KY: variants seen among roughly 807,000 people sequenced by gnomAD.
The protein encoded by KY is kyphoscoliosis peptidase.
KY carries 43 observed loss-of-function variants against 76.1 expected under a neutral mutation model. The ratio of observed to expected loss-of-function variants is 0.57; its 90% CI spans 0.44 to 0.73. KY has a LOEUF of 0.73. KY is among the 30% of genes least tolerant of loss of function. The probability of loss-of-function intolerance (pLI) is 0.00; values close to 1 mark genes in which losing one functional copy is unlikely to be tolerated. For synonymous variants in KY, 277 were observed against 326.2 expected, an observed-to-expected ratio of 0.85 and a Z score of 1.63; for missense variants, 722 against 828.9, an observed-to-expected ratio of 0.87 and a Z score of 1.58.
rs950924534 is a variant in KY, at chr3:134,620,907, T to A, written c.484-50A>T. 6.1e-6 allele frequency: 7 copies of A among 1,147,216 alleles called. No individual in the cohort carries two copies. In the African/African-American group the frequency reaches 9.1e-5, roughly 15 times the overall value. 71.1% of individuals were successfully genotyped at this position (1,147,216 alleles called of 1,614,324 possible). On this transcript the variant is annotated intron_variant, in intron 6 of 10. Transcript: ENST00000423778. Reference sequence around the variant, plus strand: ...TATTAGGGCCTCGAGGAGGGGCTGTTGGGGGCCCAGCATCTTGCACCTACA... The same window carrying A: ...TATTAGGGCCTCGAGGAGGGGCTGTAGGGGGCCCAGCATCTTGCACCTACA...
At chr3:134,650,679 G>T in intron 1 of KY, 146 bp downstream of exon 1, 1 of 741,516 alleles carries the variant, frequency 1.3e-6, no homozygotes, top group Non-Finnish European at 2.1e-6. Context: ...GTGCCACTGC[G>T]GGGAAGCGAC....
At chr3:134,621,896 G>C (rs1480898876) in intron 6 of KY, among the ~76,000 whole-genome samples, 2 of 151,862 alleles carry the variant, frequency 1.3e-5, no homozygotes, top group South Asian at 4.2e-4. Context: ...TTCAAAAAGG[G>C]GCAAAGGACT....
At chr3:134,640,438 T>C (rs1013988307) in intron 3 of KY, among the ~76,000 whole-genome samples, 5 of 152,050 alleles carry the variant, frequency 3.3e-5, no homozygotes, top group African/African-American at 9.7e-5. Flanking sequence ...CAAAAGGTGG[T>C]TGTGGAGATT....
intron 10 of KY, among the ~76,000 whole-genome samples, chr3:134,606,208 C>G (rs1959195034): frequency 6.6e-6 from 1 of 152,164 alleles, no homozygotes; most frequent in Non-Finnish European, 1.5e-5. Flanking sequence ...CCCAGATCCC[C>G]CTGAGATTCA....
chr3:134,634,853 C>T (rs1443630068), intron 3 of KY, among the ~76,000 whole-genome samples: 1 of 152,134 alleles, frequency 6.6e-6, no homozygotes, highest in African/African-American at 2.4e-5. Flanking sequence ...GAACCAATCC[C>T]CCATGTATAC....
At chr3:134,607,488 A>C in intron 10 of KY, 2 of 985,650 alleles carry the variant, frequency 2.0e-6, no homozygotes, top group South Asian at 9.4e-5. Flanking sequence ...TGGAGGCCCC[A>C]GTGGCAGAGA....
At chr3:134,629,841 A>G (rs1431223386) in intron 3 of KY, 146 bp from the exon 4 acceptor site, 4 of 620,028 alleles carry the variant, frequency 6.5e-6, no homozygotes. Flanking sequence ...TCTTTAAATC[A>G]AAACAACAAC....
intron 2 of KY, among the ~76,000 whole-genome samples, chr3:134,644,088 G>T (rs1219531813): frequency 6.6e-6 from 1 of 152,266 alleles, no homozygotes. Flanking sequence ...GCCTCCCAAA[G>T]TGCTGGGATT....
At chr3:134,621,515 T>C (rs903322412) in intron 6 of KY, among the ~76,000 whole-genome samples, 2 of 152,164 alleles carry the variant, frequency 1.3e-5, no homozygotes, top group African/African-American at 4.8e-5. Flanking sequence ...AGTTTCCACA[T>C]GCAAAAGAAT....
At chr3:134,608,124 T>C (rs565190987) in intron 10 of KY, 2 of 1,132,278 alleles carry the variant, frequency 1.8e-6, no homozygotes, top group Non-Finnish European at 2.2e-6. Context: ...CCTTGCTGGT[T>C]GGACCACCAA....
intron 1 of KY, 33 bp downstream of exon 1, chr3:134,650,792 G>A (rs776544386): frequency 7.2e-5 from 111 of 1,533,732 alleles, no homozygotes; most frequent in Non-Finnish European, 9.4e-5. Flanking sequence ...AAGGTGCCGG[G>A]GGACCCGGGG....
chr3:134,628,315 C>G (rs1410634849), intron 4 of KY, among the ~76,000 whole-genome samples: 1 of 152,130 alleles, frequency 6.6e-6, no homozygotes, highest in Non-Finnish European at 1.5e-5. Flanking sequence ...CAACTGAATC[C>G]CATAAATCTA....
chr3:134,600,524 G>A lies in KY; in HGVS notation c.*3055C>T, dbSNP rs756436160. The stretch of plus-strand genomic sequence containing the variant: ...CAGATTGAAAATGGAGTCCAGCTGA[G>A]CTATGGCACTTCTGAAACAAGCTGG... On this transcript the variant is annotated 3_prime_UTR_variant, in exon 11 of 11. Transcript: ENST00000423778. Among the ~76,000 whole-genome samples the A allele has an allele frequency of 2.0e-5, 3 of 152,208 alleles. No homozygotes were observed. Among genetic ancestry groups the A allele is most frequent in the Non-Finnish European group, 4.4e-5 (3 of 68,028 alleles).
rs1006180339 is a variant in KY at position 134,638,294 on chromosome 3, C to T, written c.262+5022G>A. On this transcript the variant is annotated intron_variant, in intron 3 of 10. Coordinates refer to ENST00000423778, the MANE Select transcript of KY (RefSeq NM_178554.6). Reference sequence around the variant, plus strand: ...TGACGCTACTGGATCAAATAAAACTCTTAATTTAAGAAAAAATATTAGTGT... The same window carrying T: ...TGACGCTACTGGATCAAATAAAACTTTTAATTTAAGAAAAAATATTAGTGT... Among the ~76,000 whole-genome samples, 3 of 152,224 alleles carry T rather than the reference C, an allele frequency of 2.0e-5. No homozygotes were observed. The East Asian group carries it at 5.8e-4, about 29-fold the overall frequency.
rs948296045 is a variant in KY at position 134,608,110 on chromosome 3, C to T, written c.1090+539G>A. The stretch of plus-strand genomic sequence containing the variant: ...TGTCCTGGGAGACCCATGTTGCTCC[C>T]CATCCTTGCTGGTTGGACCACCAAC... On this transcript the variant is annotated intron_variant, in intron 10 of 10. Transcript: ENST00000423778. 17 of 1,128,618 alleles carry T rather than the reference C, an allele frequency of 1.5e-5. No homozygotes were observed. The African/African-American group carries it at 2.8e-4, about 18-fold the overall frequency. The allele number at this position is 1,128,618 out of a possible 1,614,324, so 69.9% of individuals were successfully genotyped here.
chr3:134,629,685 C>A lies in KY; in HGVS notation c.273G>T (p.Leu91=). The change falls in exon 4 of 11, where the codon CTG becomes CTT. Residue 91 remains leucine (L), a synonymous_variant. Coordinates refer to ENST00000423778, the MANE Select transcript of KY (RefSeq NM_178554.6). ...ITSYNSQGTQ[L]TVEVHPRDAM... is the part of the protein sequence containing the mutation. Reference sequence around the variant, plus strand: ...CATCTCGAGGGTGGACTTCCACAGTCAGTTGTGTCCCTACAAAGGAAAAGG... The same window carrying A: ...CATCTCGAGGGTGGACTTCCACAGTAAGTTGTGTCCCTACAAAGGAAAAGG... 1 of 1,590,674 alleles carries A rather than the reference C, an allele frequency of 6.3e-7. No homozygotes were observed. The highest frequency in any genetic ancestry group is 1.1e-5 in the South Asian group (1 of 87,052).
intron 3 of KY, among the ~76,000 whole-genome samples, chr3:134,636,052 A>G (rs1964923924): frequency 6.6e-6 from 1 of 152,206 alleles, no homozygotes; most frequent in Non-Finnish European, 1.5e-5. Context: ...AGCTTTTTAC[A>G]GTTTTGCTAT....
At chr3:134,647,038 C>T (rs1054393623) in intron 2 of KY, among the ~76,000 whole-genome samples, 9 of 152,334 alleles carry the variant, frequency 5.9e-5, no homozygotes, top group East Asian at 1.9e-4. Context: ...GGCATCTTCT[C>T]AGGCTTCAAG....
chr3:134,616,195 A>G (rs1326578519), intron 8 of KY, among the ~76,000 whole-genome samples: 1 of 152,228 alleles, frequency 6.6e-6, no homozygotes, highest in Non-Finnish European at 1.5e-5. Context: ...AGGAAACTGG[A>G]CCAGCAGTTA....
Sources: allele counts gnomAD v4.1 joint callset (sites outside exome capture counted in the v4.1 genomes callset), GRCh38; gene constraint gnomAD v4.1.1; transcripts MANE v1.5; gene names NCBI Gene and HGNC (gene_info 2026-07-23, HGNC 2026-07-21).